Variants in FAT3 observed in about 807,000 individuals in gnomAD.
FAT3 encodes the protein FAT atypical cadherin 3.
A neutral mutation model predicts 310.2 loss-of-function variants in FAT3; 95 were observed. That is an observed-to-expected ratio of 0.31 (90% CI 0.26 to 0.36). The LOEUF (loss-of-function observed/expected upper bound fraction) is 0.36, where lower values mean the gene tolerates loss of function less well. Among genes scored for constraint, FAT3 ranks in the 10% least tolerant of loss-of-function variants. The pLI, the probability that FAT3 is intolerant of heterozygous loss-of-function variation, is 1.00. For synonymous variants in FAT3, 2,314 were observed against 2,192.9 expected, an observed-to-expected ratio of 1.06 and a Z score of -1.54; for missense variants, 5,408 against 5,715.6, an observed-to-expected ratio of 0.95 and a Z score of 1.74.
chr11:92,339,473 A>G (rs147832356), intron 1 of FAT3, among the ~76,000 whole-genome samples: 1 of 152,232 alleles, frequency 6.6e-6, no homozygotes, highest in Non-Finnish European at 1.5e-5. Context: ...CCAAAGAGAA[A>G]GTGCCTTTCT....
intron 1 of FAT3, among the ~76,000 whole-genome samples, chr11:92,350,502 G>A (rs1948536258): frequency 6.6e-6 from 1 of 151,960 alleles, no homozygotes; most frequent in Admixed American, 6.6e-5. Context: ...ATTAAATTAT[G>A]TCATATATGC....
chr11:92,849,405 T>G (rs139186940), intron 19 of FAT3, among the ~76,000 whole-genome samples: 3,098 of 152,232 alleles, frequency 0.02, 99 homozygotes, highest in African/African-American at 0.07. Flanking sequence ...TTCTGCCTTA[T>G]AGCACACCAG....
chr11:92,314,175 A>G (rs1403183229), intron 1 of FAT3: 1 of 355,300 alleles, frequency 2.8e-6, no homozygotes, highest in Non-Finnish European at 3.9e-6. Flanking sequence ...GAAGACTACA[A>G]AAGATGATTA....
At chr11:92,779,581 TA>T (rs1457493776) in intron 7 of FAT3, among the ~76,000 whole-genome samples, 1 of 152,194 alleles carries the variant, frequency 6.6e-6, no homozygotes, top group African/African-American at 2.4e-5. Flanking sequence ...TAAAATCATT[TA>T]ACTCTTACAG....
In FAT3 at chr11:92,524,596, T is replaced by C. The variant is rs778886089; in HGVS notation, c.3293-38T>C. The stretch of plus-strand genomic sequence containing the variant: ...GAGATTATTTATTTAATGTCTTCCC[T>C]TTCTCTGTGACAGTAACACTTCTCT... On this transcript the variant is annotated intron_variant, in intron 2 of 27. Transcript: ENST00000525166. The C allele has an allele frequency of 4.4e-6, 7 of 1,581,460 alleles. No individual in the cohort carries two copies. In the Admixed American group the frequency reaches 1.2e-4, roughly 28 times the overall value.
intron 1 of FAT3, among the ~76,000 whole-genome samples, chr11:92,307,252 G>T (rs903168385): frequency 7.8e-6 from 1 of 128,662 alleles, no homozygotes; most frequent in African/African-American, 2.9e-5. Flanking sequence ...AACACAGCCC[G>T]TTTACATCCT....
Position 92,895,477 on chromosome 11 carries a change from T to C in FAT3, c.*4364T>C, listed in dbSNP as rs1950009737. ...AGCAATAATTACAAGTAGGTAATAA[T>C]ACACAAAGGCCATAATTAGTCTCTT... On this transcript the variant is annotated 3_prime_UTR_variant, in exon 28 of 28. Transcript: ENST00000525166. 1 of 152,248 alleles carries C rather than the reference T, an allele frequency of 6.6e-6. No individual in the cohort carries two copies. Among genetic ancestry groups the C allele is most frequent in the African/African-American group, 2.4e-5 (1 of 41,472 alleles). The allele number at this position is 152,248 out of a possible 1,614,324, so 9.4% of individuals were successfully genotyped here.
rs138410033 is a variant in FAT3, at chr11:92,346,456, T to C, written c.-17-5640T>C. Among the ~76,000 whole-genome samples, 215 of 152,288 alleles carry C rather than the reference T, an allele frequency of 1.4e-3. 7 individuals are homozygous for C. In the East Asian group the frequency reaches 0.04, roughly 28 times the overall value. On this transcript the variant is annotated intron_variant, in intron 1 of 27. Coordinates refer to ENST00000525166, the MANE Select transcript of FAT3 (RefSeq NM_001367949.2). The stretch of plus-strand genomic sequence containing the variant: ...CCATGCACAGGACCTCTCTGTGGCA[T>C]TGACTCTGACCCCTGGCACAAGTTT...
chr11:92,276,745 T>C (rs1946284610), intron 1 of FAT3, among the ~76,000 whole-genome samples: 1 of 152,132 alleles, frequency 6.6e-6, no homozygotes, highest in Admixed American at 6.5e-5. Flanking sequence ...CACAGCTGAG[T>C]TGGGAATCCA....
intron 2 of FAT3, among the ~76,000 whole-genome samples, chr11:92,493,903 G>C (rs1028396284): frequency 5.9e-5 from 9 of 152,030 alleles, no homozygotes; most frequent in Admixed American, 2.6e-4. Flanking sequence ...GGCTGAACAG[G>C]AATCAGCAGT....
chr11:92,369,124 G>A (rs1333407718), intron 2 of FAT3, among the ~76,000 whole-genome samples: 1 of 152,060 alleles, frequency 6.6e-6, no homozygotes, highest in East Asian at 1.9e-4. Context: ...TAATCAAGGG[G>A]AAAGAGAATA....
At chr11:92,623,496 T>TAC (rs1941182795) in intron 3 of FAT3, among the ~76,000 whole-genome samples, 1 of 152,190 alleles carries the variant, frequency 6.6e-6, no homozygotes, top group Admixed American at 6.5e-5. Context: ...TTGTTATATA[T>TAC]ACTGAAAAGA....
intron 2 of FAT3, among the ~76,000 whole-genome samples, chr11:92,394,913 A>C (rs1949833386): frequency 6.6e-6 from 1 of 152,198 alleles, no homozygotes; most frequent in Non-Finnish European, 1.5e-5. Context: ...ATTAAAGCAC[A>C]TTAAATGTAT....
chr11:92,549,356 A>T (rs892009471), intron 3 of FAT3, among the ~76,000 whole-genome samples: 1 of 152,190 alleles, frequency 6.6e-6, no homozygotes, highest in Non-Finnish European at 1.5e-5. Flanking sequence ...TGCTGCTTTA[A>T]TCATAAAGGA....
In FAT3 at chr11:92,352,938, T is replaced by A; in HGVS notation, c.826T>A (p.Leu276Met). 6.2e-7 allele frequency: 1 copy of A among 1,613,818 alleles called. No individual in the cohort carries two copies. Among genetic ancestry groups the A allele is most frequent in the Non-Finnish European group, 8.5e-7 (1 of 1,179,856 alleles). The change falls in exon 2 of 28, where the codon TTG becomes ATG. Residue 276 changes from leucine (L) to methionine (M), a missense_variant. Leu to Met is a conservative substitution (Grantham distance 15). Coordinates refer to ENST00000525166, the MANE Select transcript of FAT3 (RefSeq NM_001367949.2). ...TGTAGTCACTCATGTTCCTTTCTCG[T>A]TGGAAAAAGAGCCAACATATGCAGT... is the stretch of plus-strand genomic sequence containing the variant. ...IHVVTHVPFS[L>M]EKEPTYAVVT... is the part of the protein sequence containing the mutation.
intron 3 of FAT3, among the ~76,000 whole-genome samples, chr11:92,626,385 A>G (rs1000434173): frequency 4.6e-5 from 7 of 152,164 alleles, no homozygotes; most frequent in African/African-American, 1.7e-4. Context: ...CCAAAAAATA[A>G]TTTAATGTAC....
At chr11:92,649,811 C>T (rs547167262) in intron 3 of FAT3, among the ~76,000 whole-genome samples, 1 of 139,082 alleles carries the variant, frequency 7.2e-6, no homozygotes, top group East Asian at 2.1e-4. Context: ...GTGAATCCTC[C>T]TTTCTTCATT....
intron 3 of FAT3, among the ~76,000 whole-genome samples, chr11:92,542,804 T>A (rs1372776609): frequency 6.6e-6 from 1 of 152,044 alleles, no homozygotes; most frequent in Non-Finnish European, 1.5e-5. Context: ...TACCATATGA[T>A]CCAGCTATCC....
intron 3 of FAT3, among the ~76,000 whole-genome samples, chr11:92,638,283 A>G (rs1422558064): frequency 1.3e-5 from 2 of 152,186 alleles, no homozygotes; most frequent in Admixed American, 6.5e-5. Flanking sequence ...TCTTTTCATA[A>G]TCTATTGAAC....
Sources: allele counts gnomAD v4.1 joint callset (sites outside exome capture counted in the v4.1 genomes callset), GRCh38; gene constraint gnomAD v4.1.1; transcripts MANE v1.5; gene names NCBI Gene and HGNC (gene_info 2026-07-23, HGNC 2026-07-21).